CPNE8: variants seen among roughly 807,000 people sequenced by gnomAD.
CPNE8 encodes the protein copine-8.
In CPNE8, 45 loss-of-function variants were observed where a neutral mutation model predicts 81.5. That is an observed-to-expected ratio of 0.55 (90% CI 0.44 to 0.71). The LOEUF is 0.71. Among genes scored for constraint, CPNE8 ranks in the 30% least tolerant of loss-of-function variants. The pLI is 0.00. For synonymous variants in CPNE8, 252 were observed against 226.3 expected, an observed-to-expected ratio of 1.11 and a Z score of -1.02; for missense variants, 594 against 672.1, an observed-to-expected ratio of 0.88 and a Z score of 1.28.
At chr12:38,667,004 C>T (rs907464278) in intron 19 of CPNE8, among the ~76,000 whole-genome samples, 6 of 152,056 alleles carry the variant, frequency 3.9e-5, no homozygotes, top group South Asian at 2.1e-4. Flanking sequence ...GGTTAAATAT[C>T]GTTATACAAA....
intron 15 of CPNE8, among the ~76,000 whole-genome samples, chr12:38,687,778 ATCCACTTTTTT>A (rs994032308): frequency 6.6e-6 from 1 of 152,180 alleles, no homozygotes; most frequent in African/African-American, 2.4e-5. Context: ...AGGGATTTAT[ATCCACTTTTTT>A]TCTTTTAATT....
At chr12:38,757,484 A>T (rs1332009607) in intron 10 of CPNE8, among the ~76,000 whole-genome samples, 1 of 151,946 alleles carries the variant, frequency 6.6e-6, no homozygotes, top group Non-Finnish European at 1.5e-5. Flanking sequence ...TAATATCTGG[A>T]TTTTAAAAAA....
chr12:38,687,775 T>A (rs944198744), intron 15 of CPNE8, among the ~76,000 whole-genome samples: 1 of 152,246 alleles, frequency 6.6e-6, no homozygotes, highest in Admixed American at 6.5e-5. Context: ...CAGAGGGATT[T>A]ATATCCACTT....
intron 6 of CPNE8, among the ~76,000 whole-genome samples, chr12:38,798,175 T>C (rs1942551759): frequency 6.6e-6 from 1 of 152,038 alleles, no homozygotes; most frequent in African/African-American, 2.4e-5. Context: ...CAGGCCAACA[T>C]TCAGATTCAG....
In CPNE8 at chr12:38,827,002, T is replaced by C. The variant is rs1244179495; in HGVS notation, c.407+2377A>G. Among the ~76,000 whole-genome samples the C allele has an allele frequency of 5.5e-5, 7 of 127,082 alleles. No homozygotes were observed. The East Asian group carries it at 1.3e-3, about 24-fold the overall frequency. 83.4% of individuals were successfully genotyped at this position (127,082 alleles called of 152,430 possible). Reference sequence around the variant, plus strand: ...GACCAACATGCTGAAACCCCGTCTCTACTAAAAATACAAAAAAAAAAAAAA... The same window carrying C: ...GACCAACATGCTGAAACCCCGTCTCCACTAAAAATACAAAAAAAAAAAAAA... On this transcript the variant is annotated intron_variant, in intron 6 of 19. Coordinates refer to ENST00000331366, the MANE Select transcript of CPNE8 (RefSeq NM_153634.3).
At chr12:38,786,287 T>C (rs975304358) in intron 6 of CPNE8, among the ~76,000 whole-genome samples, 5 of 152,102 alleles carry the variant, frequency 3.3e-5, no homozygotes, top group Admixed American at 6.6e-5. Context: ...TGATCCTGGG[T>C]GTGTGTGTGA....
At chr12:38,709,306 C>T (rs1044625547) in intron 13 of CPNE8, among the ~76,000 whole-genome samples, 1 of 152,172 alleles carries the variant, frequency 6.6e-6, no homozygotes, top group Non-Finnish European at 1.5e-5. Flanking sequence ...GGTTCAACTA[C>T]CTGAATGACA....
chr12:38,873,624 C>T (rs1406981012), intron 2 of CPNE8, among the ~76,000 whole-genome samples: 1 of 152,156 alleles, frequency 6.6e-6, no homozygotes, highest in Non-Finnish European at 1.5e-5. Flanking sequence ...ATTTTTAATA[C>T]CCACAATTGC....
At chr12:38,847,856 T>G (rs1216241302) in intron 4 of CPNE8, among the ~76,000 whole-genome samples, 1 of 152,176 alleles carries the variant, frequency 6.6e-6, no homozygotes, top group Non-Finnish European at 1.5e-5. Context: ...ACATTTATCT[T>G]TTAATGTTCA....
intron 6 of CPNE8, among the ~76,000 whole-genome samples, chr12:38,807,138 G>A (rs144767418): frequency 0.01 from 1,547 of 151,952 alleles, 15 homozygotes; most frequent in Admixed American, 0.018. Context: ...CATGCTCATG[G>A]GTAGGAAGAA....
chr12:38,676,112 TC>T, intron 17 of CPNE8: 68 of 169,046 alleles, frequency 4.0e-4, no homozygotes, highest in Non-Finnish European at 4.8e-4. Context: ...TGAGAGCCTG[TC>T]TAAAAAAAAA....
At chr12:38,695,330 C>T (rs1447322951) in intron 14 of CPNE8, among the ~76,000 whole-genome samples, 1 of 152,162 alleles carries the variant, frequency 6.6e-6, no homozygotes, top group Non-Finnish European at 1.5e-5. Flanking sequence ...AGAAGCCTAA[C>T]TTCAATAAGA....
chr12:38,862,470 C>G (rs1157825892), intron 3 of CPNE8, among the ~76,000 whole-genome samples: 1 of 152,084 alleles, frequency 6.6e-6, no homozygotes, highest in Non-Finnish European at 1.5e-5. Flanking sequence ...ACTATATTTG[C>G]ACCTTTTCTG....
intron 19 of CPNE8, among the ~76,000 whole-genome samples, chr12:38,666,761 A>G (rs1206411642): frequency 6.6e-6 from 1 of 152,170 alleles, no homozygotes; most frequent in African/African-American, 2.4e-5. Flanking sequence ...AGGTGTTAGA[A>G]TCAAAATTAT....
chr12:38,724,868 T>C lies in CPNE8; in HGVS notation c.830A>G (p.Lys277Arg). The C allele has an allele frequency of 6.7e-7, 1 of 1,500,792 alleles. No homozygotes were observed. Among genetic ancestry groups the C allele is most frequent in the Non-Finnish European group, 9.2e-7 (1 of 1,085,654 alleles). The allele number at this position is 1,500,792 out of a possible 1,614,324, so 93.0% of individuals were successfully genotyped here. Residue 277 changes from lysine (K) to arginine (R), a missense_variant, in exon 12 of 20, where the codon AAA becomes AGA. Physicochemically the swap from Lys to Arg is conservative, Grantham distance 26. Transcript: ENST00000331366. ...VVNPKKKGKK[K>R]KYTNSGTVTL... is the part of the protein sequence containing the mutation. ...TACTGTTCCAGAATTAGTATATTTT[T>C]TCTTTTTTCCTTTCTTTTTGGGATT...
chr12:38,675,817 GTTC>G (rs1565563330), intron 17 of CPNE8, 43 bp from the exon 18 acceptor site: 1 of 1,265,380 alleles, frequency 7.9e-7, no homozygotes. Context: ...AAGAAATTGA[GTTC>G]TTAAGAAAAT....
Position 38,794,477 on chromosome 12 carries a change from T to C in CPNE8, c.408-18176A>G, listed in dbSNP as rs566415636. ...GCATAAAGAACTCCTCCCAATCTGA[T>C]TTAAAAATGAGCATGGCACTTCAGT... is the stretch of plus-strand genomic sequence containing the variant. On this transcript the variant is annotated intron_variant, in intron 6 of 19. Transcript: ENST00000331366. Among the ~76,000 whole-genome samples the C allele has an allele frequency of 5.3e-5, 8 of 152,200 alleles. No homozygotes were observed. In the South Asian group the frequency reaches 1.7e-3, roughly 32 times the overall value.
intron 13 of CPNE8, among the ~76,000 whole-genome samples, chr12:38,709,769 A>G (rs1006852282): frequency 8.5e-5 from 13 of 152,168 alleles, no homozygotes; most frequent in African/African-American, 3.1e-4. Flanking sequence ...CCTTTCCTTC[A>G]CACCCACTAA....
intron 6 of CPNE8, among the ~76,000 whole-genome samples, chr12:38,818,970 T>C (rs777111452): frequency 9.9e-5 from 15 of 152,236 alleles, no homozygotes; most frequent in Non-Finnish European, 2.1e-4. Context: ...GCCCACTTTT[T>C]GATAGGGTTG....
Sources: allele counts gnomAD v4.1 joint callset (sites outside exome capture counted in the v4.1 genomes callset), GRCh38; gene constraint gnomAD v4.1.1; transcripts MANE v1.5; gene names NCBI Gene and HGNC (gene_info 2026-07-23, HGNC 2026-07-21).